HTR4: variants seen among roughly 807,000 people sequenced by gnomAD.
HTR4 encodes 5-hydroxytryptamine receptor 4, also known as 5-hydroxytryptamine (serotonin) receptor 4, G protein-coupled.
In HTR4, 16 loss-of-function variants were observed where a neutral mutation model predicts 36.8. That is an observed-to-expected ratio of 0.43 (90% confidence interval 0.29 to 0.66). The LOEUF (loss-of-function observed/expected upper bound fraction) is 0.66, where lower values mean the gene tolerates loss of function less well. Among genes scored for constraint, HTR4 ranks in the 30% least tolerant of loss-of-function variants. HTR4 has a pLI of 0.13. For synonymous variants in HTR4, 189 were observed against 185.1 expected (o/e 1.02, Z -0.17); for missense variants, 438 against 490.9 (o/e 0.89, Z 1.02).
At chr5:148,520,904 A>G (rs1287249133) in intron 5 of HTR4, 1 of 1,367,770 alleles carries the variant, frequency 7.3e-7, no homozygotes, top group South Asian at 1.1e-5. Flanking sequence ...ATCCTAAGGA[A>G]TACTTGTTCT....
chr5:148,523,035 T>A (rs546179788), intron 5 of HTR4, among the ~76,000 whole-genome samples, 158 bp downstream of exon 5: 7 of 152,156 alleles, frequency 4.6e-5, no homozygotes, highest in African/African-American at 1.7e-4. Flanking sequence ...AGGAGTTTTG[T>A]CAGTAAGCAT....
At chr5:148,470,401 A>G (rs1755534702) in intron 5 of HTR4, among the ~76,000 whole-genome samples, 1 of 152,230 alleles carries the variant, frequency 6.6e-6, no homozygotes, top group South Asian at 2.1e-4. Context: ...GGCCATAAGG[A>G]TTCAAATGCA....
Position 148,452,728 on chromosome 5 carries a change from C to T in HTR4, c.1077-1456G>A, listed in dbSNP as rs552216935. ...CACCGCAGCTGTTGTTGAGAGAGAG[C>T]TAAGCCAAGGGGATGTGACATACAG... On this transcript the variant is annotated intron_variant, in intron 5 of 5. Transcript: ENST00000521530. Among the ~76,000 whole-genome samples, 3 of 152,248 alleles carry T rather than the reference C, an allele frequency of 2.0e-5. No individual in the cohort carries two copies. The Middle Eastern group carries it at 0.01, about 518-fold the overall frequency.
chr5:148,613,388 A>T (rs1752523931), intron 2 of HTR4, among the ~76,000 whole-genome samples: 2 of 151,150 alleles, frequency 1.3e-5, no homozygotes, highest in African/African-American at 4.9e-5. Flanking sequence ...ACGCAAATTA[A>T]TAAATGTAAT....
chr5:148,520,761 G>C (rs192053272), intron 5 of HTR4, among the ~76,000 whole-genome samples: 2 of 152,280 alleles, frequency 1.3e-5, no homozygotes, highest in Admixed American at 1.3e-4. Context: ...TAATAATAAT[G>C]GTTGAAAATT....
At chr5:148,576,294 C>G (rs1377668740) in intron 2 of HTR4, among the ~76,000 whole-genome samples, 1 of 151,388 alleles carries the variant, frequency 6.6e-6, no homozygotes, top group African/African-American at 2.4e-5. Context: ...ATGAGAATTA[C>G]AAAACACTTC....
chr5:148,488,910 T>G (rs1756285257), intron 6 of HTR4, among the ~76,000 whole-genome samples: 1 of 152,208 alleles, frequency 6.6e-6, no homozygotes, highest in Non-Finnish European at 1.5e-5. Flanking sequence ...TGTGGCTGAT[T>G]CTAATCCCTA....
In HTR4 at chr5:148,654,418, G is replaced by A; in HGVS notation, c.-404C>T. On this transcript the variant is annotated 5_prime_UTR_variant, in exon 1 of 7. Transcript: ENST00000377888. ...GGGCGCCAGGGACAGCGGGGGTGCCGCTCTGCCGGCAGGGCGCACAGGGGA... is the reference window on the plus strand; with the variant it reads ...GGGCGCCAGGGACAGCGGGGGTGCCACTCTGCCGGCAGGGCGCACAGGGGA... 1 of 985,496 alleles carries A rather than the reference G, an allele frequency of 1.0e-6. No homozygotes were observed. Among genetic ancestry groups the A allele is most frequent in the Non-Finnish European group, 1.2e-6 (1 of 829,978 alleles). The allele number at this position is 985,496 out of a possible 1,614,324, so 61.0% of individuals were successfully genotyped here. A position where few individuals can be genotyped will look rare whatever the true frequency, so the allele number is the denominator to read the frequency against.
Position 148,654,412 on chromosome 5 carries a change from G to C in HTR4, c.-398C>G. The C allele has an allele frequency of 1.0e-6, 1 of 985,510 alleles. No homozygotes were observed. Among genetic ancestry groups the C allele is most frequent in the Non-Finnish European group, 1.2e-6 (1 of 829,992 alleles). The allele number at this position is 985,510 out of a possible 1,614,324, so 61.0% of individuals were successfully genotyped here. A position where few individuals can be genotyped will look rare whatever the true frequency, so the allele number is the denominator to read the frequency against. On this transcript the variant is annotated 5_prime_UTR_variant, in exon 1 of 7. Transcript: ENST00000377888. Reference sequence around the variant, plus strand: ...CCCACTGGGCGCCAGGGACAGCGGGGGTGCCGCTCTGCCGGCAGGGCGCAC... The same window carrying C: ...CCCACTGGGCGCCAGGGACAGCGGGCGTGCCGCTCTGCCGGCAGGGCGCAC...
intron 2 of HTR4, among the ~76,000 whole-genome samples, chr5:148,561,402 T>G (rs1006207602): frequency 6.6e-6 from 1 of 152,212 alleles, no homozygotes; most frequent in Admixed American, 6.5e-5. Flanking sequence ...AGATACCCAC[T>G]GCTGCACAGC....
intron 1 of HTR4, among the ~76,000 whole-genome samples, chr5:148,650,800 T>C (rs1754012180): frequency 6.6e-6 from 1 of 152,146 alleles, no homozygotes; most frequent in African/African-American, 2.4e-5. Flanking sequence ...GTCATAAAAA[T>C]GAGAGAAATC....
At chr5:148,598,154 G>A (rs1035941690) in intron 2 of HTR4, among the ~76,000 whole-genome samples, 8 of 152,112 alleles carry the variant, frequency 5.3e-5, no homozygotes, top group African/African-American at 1.9e-4. Flanking sequence ...ATGTGCACAG[G>A]AGAGTCAGAA....
At chr5:148,507,624 A>C (rs1165950051) in intron 6 of HTR4, among the ~76,000 whole-genome samples, 1 of 152,056 alleles carries the variant, frequency 6.6e-6, no homozygotes, top group African/African-American at 2.4e-5. Flanking sequence ...GTGTACATCC[A>C]TATGCCATCT....
chr5:148,573,707 G>T (rs1400818955), intron 2 of HTR4, among the ~76,000 whole-genome samples: 1 of 151,950 alleles, frequency 6.6e-6, no homozygotes, highest in Non-Finnish European at 1.5e-5. Context: ...TCTAGACAAG[G>T]CATTCTAGCA....
chr5:148,528,781 C>T (rs887567746), intron 4 of HTR4, among the ~76,000 whole-genome samples: 1 of 152,038 alleles, frequency 6.6e-6, no homozygotes, highest in Non-Finnish European at 1.5e-5. Context: ...AACACCACCA[C>T]TAGACAGAAT....
intron 2 of HTR4, among the ~76,000 whole-genome samples, chr5:148,599,342 T>G (rs1761898196): frequency 6.6e-6 from 1 of 151,838 alleles, no homozygotes; most frequent in African/African-American, 2.4e-5. Context: ...AAAAGAAAAA[T>G]CTGCTTAAAA....
intron 2 of HTR4, among the ~76,000 whole-genome samples, chr5:148,632,326 A>G (rs1331120896): frequency 6.6e-6 from 1 of 152,184 alleles, no homozygotes; most frequent in East Asian, 1.9e-4. Context: ...TATATGATTC[A>G]TAATCCTATA....
chr5:148,499,081 G>A (rs1025459025), intron 6 of HTR4, among the ~76,000 whole-genome samples: 1 of 152,168 alleles, frequency 6.6e-6, no homozygotes, highest in African/African-American at 2.4e-5. Flanking sequence ...TTTGAAGTCA[G>A]AAACAGTTGG....
At chr5:148,617,468 GT>G (rs199759219) in intron 2 of HTR4, among the ~76,000 whole-genome samples, 16 of 134,344 alleles carry the variant, frequency 1.2e-4, no homozygotes, top group African/African-American at 4.0e-4. Flanking sequence ...TCTCTCTTTT[GT>G]TTTTTTTTGT....
Sources: allele counts gnomAD v4.1 joint callset (sites outside exome capture counted in the v4.1 genomes callset), GRCh38; gene constraint gnomAD v4.1.1; transcripts MANE v1.5; gene names NCBI Gene and HGNC (gene_info 2026-07-23, HGNC 2026-07-21).